TRPS1: variants seen among roughly 807,000 people sequenced by gnomAD.
TRPS1 encodes zinc finger transcription factor Trps1.
A neutral mutation model predicts 101.2 loss-of-function variants in TRPS1; 6 were observed. The observed-to-expected ratio is 0.06, with a 90% CI of 0.03 to 0.12. The LOEUF is 0.12. TRPS1 is among the 10% of genes least tolerant of loss of function. The pLI, the probability that TRPS1 is intolerant of heterozygous loss-of-function variation, is 1.00. For missense variants in TRPS1, 1,363 were observed against 1,567.0 expected, an observed-to-expected ratio of 0.87 and a Z score of 2.20; for synonymous variants, 578 against 589.8, an observed-to-expected ratio of 0.98 and a Z score of 0.29.
intron 1 of TRPS1, among the ~76,000 whole-genome samples, chr8:115,631,060 C>T (rs761932251): frequency 1.3e-4 from 20 of 152,036 alleles, no homozygotes; most frequent in Non-Finnish European, 2.4e-4. Flanking sequence ...TCCTAACTTT[C>T]GAATCTGCCT....
chr8:115,447,029 C>G (rs370365924), intron 5 of TRPS1, among the ~76,000 whole-genome samples: 1 of 152,096 alleles, frequency 6.6e-6, no homozygotes, highest in Non-Finnish European at 1.5e-5. Flanking sequence ...TGCCCTACTC[C>G]AAGACCCGGT....
chr8:115,518,728 G>A (rs1168104413), intron 5 of TRPS1, among the ~76,000 whole-genome samples: 7 of 151,774 alleles, frequency 4.6e-5, no homozygotes, highest in African/African-American at 7.2e-5. Context: ...AACTCTGTAT[G>A]GCATAGCTCC....
At chr8:115,645,597 G>A (rs1280518772) in intron 1 of TRPS1, among the ~76,000 whole-genome samples, 3 of 152,070 alleles carry the variant, frequency 2.0e-5, no homozygotes, top group African/African-American at 7.2e-5. Flanking sequence ...TTTTGAGGAA[G>A]AGGAAAAAAT....
At chr8:115,637,231 C>G (rs760338655) in intron 1 of TRPS1, 12 of 984,512 alleles carry the variant, frequency 1.2e-5, no homozygotes, top group Non-Finnish European at 1.2e-5. Flanking sequence ...CCAAATGGCT[C>G]ACATGGAAGA....
intron 5 of TRPS1, among the ~76,000 whole-genome samples, chr8:115,562,758 GA>G (rs1205590234): frequency 2.0e-5 from 3 of 151,808 alleles, no homozygotes; most frequent in Non-Finnish European, 4.4e-5. Flanking sequence ...AGAAAAAAAG[GA>G]GCATATATAT....
rs567604921 is a variant in TRPS1, at chr8:115,418,470, A to T, written c.2701-18T>A. The T allele has an allele frequency of 6.2e-7, 1 of 1,614,068 alleles. No individual in the cohort carries two copies. Among genetic ancestry groups the T allele is most frequent in the South Asian group, 1.1e-5 (1 of 91,078 alleles). ...CTACGCCTCTGAAACAGGGGAAAAAAACCAAGGTCAGAGGTGAGTCACATG... is the reference window on the plus strand; with the variant it reads ...CTACGCCTCTGAAACAGGGGAAAAATACCAAGGTCAGAGGTGAGTCACATG... On this transcript the variant is annotated intron_variant, in intron 5 of 6. Transcript: ENST00000395715. The surrounding 1 kb of genome is among the most constrained non-coding windows in gnomAD (Gnocchi z 4.3).
At chr8:115,652,333 T>C (rs1241322376) in intron 1 of TRPS1, among the ~76,000 whole-genome samples, 1 of 152,216 alleles carries the variant, frequency 6.6e-6, no homozygotes, top group South Asian at 2.1e-4. Context: ...TCACATGAAA[T>C]GAAACCCAGA....
intron 5 of TRPS1, among the ~76,000 whole-genome samples, chr8:115,480,682 A>G (rs1357704896): frequency 6.6e-6 from 1 of 152,102 alleles, no homozygotes; most frequent in Admixed American, 6.6e-5. Context: ...ATTTTTCGGC[A>G]TACATATATC....
At chr8:115,482,211 G>C (rs1814771610) in intron 5 of TRPS1, among the ~76,000 whole-genome samples, 1 of 152,052 alleles carries the variant, frequency 6.6e-6, no homozygotes. Context: ...CATTCAATGA[G>C]GGCAAAAACA....
At chr8:115,530,728 C>G (rs1304177842) in intron 5 of TRPS1, among the ~76,000 whole-genome samples, 2 of 152,116 alleles carry the variant, frequency 1.3e-5, no homozygotes, top group Non-Finnish European at 2.9e-5. Flanking sequence ...GGCACATATA[C>G]ACCATGGAAT....
chr8:115,664,017 T>C (rs1811868356), intron 1 of TRPS1, among the ~76,000 whole-genome samples: 1 of 152,054 alleles, frequency 6.6e-6, no homozygotes, highest in African/African-American at 2.4e-5. Context: ...AAAGTGATCA[T>C]AATAATAAAA....
chr8:115,657,838 C>CAATAA (rs776324390), intron 1 of TRPS1, among the ~76,000 whole-genome samples: 58 of 151,890 alleles, frequency 3.8e-4, no homozygotes, highest in East Asian at 3.3e-3. Context: ...CAATAGCAAA[C>CAATAA]AATAAAATAA....
chr8:115,617,792 T>C lies in TRPS1; in HGVS notation c.966+1340A>G, dbSNP rs150666293. 3.1e-4 allele frequency among the ~76,000 whole-genome samples: 47 copies of C among 152,300 alleles called. No homozygotes were observed. The East Asian group carries it at 8.7e-3, about 28-fold the overall frequency. On this transcript the variant is annotated intron_variant, in intron 3 of 6. Coordinates refer to ENST00000395715, the MANE Select transcript of TRPS1 (RefSeq NM_014112.5). ...AGCAGTTCAAAGCATGTAGCTTTCATGCATAATAACTATGTTGGGTTAATT... is the reference window on the plus strand; with the variant it reads ...AGCAGTTCAAAGCATGTAGCTTTCACGCATAATAACTATGTTGGGTTAATT...
intron 4 of TRPS1, among the ~76,000 whole-genome samples, chr8:115,599,807 G>T (rs1817869545): frequency 1.3e-5 from 2 of 152,146 alleles, no homozygotes; most frequent in African/African-American, 4.8e-5. Context: ...ACATACATGT[G>T]CATGTGTCTT....
intron 5 of TRPS1, among the ~76,000 whole-genome samples, chr8:115,481,939 G>A (rs1483954722): frequency 1.3e-5 from 2 of 152,194 alleles, no homozygotes; most frequent in Admixed American, 6.5e-5. Context: ...AGTTTAGGAA[G>A]ACAGTATAAT....
At chr8:115,492,129 G>C (rs1815038714) in intron 5 of TRPS1, 1 of 452,756 alleles carries the variant, frequency 2.2e-6, no homozygotes, top group Admixed American at 2.4e-5. Context: ...AATCCAGAGG[G>C]GTGACGTTTG....
chr8:115,425,502 C>A (rs1156412378), intron 5 of TRPS1, among the ~76,000 whole-genome samples: 1 of 152,182 alleles, frequency 6.6e-6, no homozygotes, highest in Non-Finnish European at 1.5e-5. Flanking sequence ...AATACATACT[C>A]CAGTAATCAT....
intron 1 of TRPS1, among the ~76,000 whole-genome samples, chr8:115,626,661 T>C (rs188148302): frequency 2.0e-5 from 3 of 151,942 alleles, no homozygotes; most frequent in Admixed American, 1.3e-4. Flanking sequence ...AAATCTCTTA[T>C]TAATTCACAT....
At chr8:115,577,193 G>C (rs1256232081) in intron 5 of TRPS1, among the ~76,000 whole-genome samples, 2 of 151,996 alleles carry the variant, frequency 1.3e-5, no homozygotes, top group Non-Finnish European at 1.5e-5. Flanking sequence ...GTCCCACTCT[G>C]AGTCTTTTTT....
Sources: gnomAD v4.1 joint callset for allele counts (sites outside exome capture counted in the v4.1 genomes callset) on GRCh38, gnomAD v4.1.1 for gene constraint, Gnocchi (gnomAD v3.1) non-coding constraint, MANE v1.5 for transcripts, NCBI Gene and HGNC (gene_info 2026-07-23, HGNC 2026-07-21) for gene names.